FAAH2: variants seen among roughly 807,000 people sequenced by gnomAD.
The protein encoded by FAAH2 is fatty acid amide hydrolase 2.
Under a neutral mutation model 36.9 loss-of-function variants are expected in FAAH2, and 60 were observed. That is an observed-to-expected ratio of 1.63 (90% confidence interval 1.32 to 2.02). The LOEUF (loss-of-function observed/expected upper bound fraction) is 2.02, where lower values mean the gene tolerates loss of function less well. Ranked by LOEUF, FAAH2 falls within the 30% of genes most tolerant of loss-of-function variation. The pLI, the probability that FAAH2 is intolerant of heterozygous loss-of-function variation, is 0.00. For missense variants in FAAH2, 689 were observed against 397.5 expected (o/e 1.73, Z -6.23); for synonymous variants, 214 against 143.8 (o/e 1.49, Z -3.49).
the FAAH2 span, among the ~76,000 whole-genome samples, chrX:57,233,516 C>A: frequency 8.9e-6 from 1 of 112,067 alleles, no homozygotes; most frequent in East Asian, 2.8e-4. Flanking sequence ...AATAGAACTG[C>A]TTGCTGAGTT....
At chrX:57,484,725 G>T (rs963110558) in intron 10 of FAAH2, among the ~76,000 whole-genome samples, 2 of 111,589 alleles carry the variant, frequency 1.8e-5, no homozygotes. Context: ...GTCATTTGTG[G>T]TGGTGTAAGC....
chrX:57,213,318 T>C, the FAAH2 span, among the ~76,000 whole-genome samples: 1 of 111,697 alleles, frequency 9.0e-6, no homozygotes, highest in Non-Finnish European at 1.9e-5. Context: ...ATTTTTGTTC[T>C]CAATTTCACT....
intron 1 of FAAH2, among the ~76,000 whole-genome samples, chrX:57,290,100 G>A (rs1417904540): frequency 9.0e-6 from 1 of 110,977 alleles, no homozygotes; most frequent in East Asian, 2.8e-4. Context: ...GTGTTGCTAG[G>A]AATATTTAAT....
chrX:57,400,096 A>G (rs2055395805), intron 7 of FAAH2, among the ~76,000 whole-genome samples: 1 of 112,422 alleles, frequency 8.9e-6, no homozygotes, highest in South Asian at 3.7e-4. Flanking sequence ...TTCTGGAAGA[A>G]ATGTGGCTGG....
At chrX:57,144,448 G>GT in the FAAH2 span, among the ~76,000 whole-genome samples, 205 of 99,859 alleles carry the variant, frequency 2.1e-3, no homozygotes, top group Admixed American at 5.9e-3. Context: ...AACTCTGTGG[G>GT]TTTTTTTTTC....
At chrX:57,198,166 G>A in the FAAH2 span, among the ~76,000 whole-genome samples, 1 of 111,374 alleles carries the variant, frequency 9.0e-6, no homozygotes, top group Non-Finnish European at 1.9e-5. Flanking sequence ...TCTGCTACCA[G>A]GGCAGCTAGG....
At chrX:57,462,163 TACA>T (rs1439105262) in intron 10 of FAAH2, among the ~76,000 whole-genome samples, 1 of 4,212 alleles carries the variant, frequency 2.4e-4, no homozygotes, top group African/African-American at 4.7e-4. Context: ...ATTAATAGCC[TACA>T]AAAAAAAAAA....
the FAAH2 span, among the ~76,000 whole-genome samples, chrX:57,267,966 C>G: frequency 3.5e-5 from 4 of 112,745 alleles, no homozygotes; most frequent in East Asian, 1.1e-3. Context: ...ACCACATTCA[C>G]TCTTCAGCAA....
chrX:57,471,705 C>T (rs2057170422), intron 10 of FAAH2, among the ~76,000 whole-genome samples: 1 of 111,700 alleles, frequency 9.0e-6, no homozygotes, highest in Non-Finnish European at 1.9e-5. Flanking sequence ...TCCCATCAAC[C>T]TACAAATGAC....
the FAAH2 span, among the ~76,000 whole-genome samples, chrX:57,272,794 C>A: frequency 1.8e-5 from 2 of 112,269 alleles, no homozygotes; most frequent in African/African-American, 3.2e-5. Context: ...CCAGCCAATA[C>A]AAAAACATAC....
chrX:57,455,322 G>A (rs1005333155), intron 10 of FAAH2, among the ~76,000 whole-genome samples: 1 of 111,060 alleles, frequency 9.0e-6, no homozygotes, highest in Non-Finnish European at 1.9e-5. Context: ...TGAAAATAAA[G>A]GACCAAAACT....
chrX:57,406,794 C>A (rs1490350755), intron 7 of FAAH2, among the ~76,000 whole-genome samples: 1 of 111,963 alleles, frequency 8.9e-6, no homozygotes, highest in Non-Finnish European at 1.9e-5. Context: ...GGAAGATGAA[C>A]CCCAGTCATT....
At chrX:57,232,933 C>T in the FAAH2 span, among the ~76,000 whole-genome samples, 6 of 112,118 alleles carry the variant, frequency 5.4e-5, no homozygotes, top group African/African-American at 1.6e-4. Context: ...TTAACTGCTC[C>T]CCTTGAGCCC....
At chrX:57,465,484 C>G (rs1287109487) in intron 10 of FAAH2, among the ~76,000 whole-genome samples, 1 of 111,496 alleles carries the variant, frequency 9.0e-6, no homozygotes, top group African/African-American at 3.2e-5. Context: ...ACCACAATAA[C>G]AGTGATGGAT....
chrX:57,347,252 A>G (rs1244133204), intron 5 of FAAH2, among the ~76,000 whole-genome samples: 3 of 111,629 alleles, frequency 2.7e-5, no homozygotes, highest in East Asian at 2.8e-4. Context: ...GAGGTTTTGT[A>G]TATTGTTCTT....
the FAAH2 span, among the ~76,000 whole-genome samples, chrX:57,193,378 G>C: frequency 1.5e-4 from 17 of 111,833 alleles, no homozygotes; most frequent in Middle Eastern, 4.6e-3. Context: ...CAATGACAAT[G>C]GTGCCTGAAA....
the FAAH2 span, among the ~76,000 whole-genome samples, chrX:57,130,526 A>G: frequency 7.1e-5 from 8 of 112,354 alleles, no homozygotes; most frequent in Non-Finnish European, 1.5e-4. Flanking sequence ...CTATACATTT[A>G]AAAGGAGGTC....
intron 7 of FAAH2, among the ~76,000 whole-genome samples, chrX:57,418,157 T>G (rs2055895793): frequency 8.9e-6 from 1 of 112,009 alleles, no homozygotes; most frequent in South Asian, 3.7e-4. Context: ...GGTCTTCACT[T>G]GCTGGGTTCC....
chrX:57,474,411 A>G (rs2057227784), intron 10 of FAAH2, among the ~76,000 whole-genome samples: 1 of 108,727 alleles, frequency 9.2e-6, no homozygotes. Flanking sequence ...CCCTGTGTCC[A>G]TGTGTTCTCA....
Sources: allele counts gnomAD v4.1 joint callset (sites outside exome capture counted in the v4.1 genomes callset), GRCh38; gene constraint gnomAD v4.1.1; transcripts MANE v1.5; gene names NCBI Gene and HGNC (gene_info 2026-07-23, HGNC 2026-07-21).